Variants in ACER3 observed in about 807,000 individuals in gnomAD.
ACER3 encodes the protein alkaline ceramidase 3.
Under a neutral mutation model 48.9 loss-of-function variants are expected in ACER3, and 16 were observed. The ratio of observed to expected loss-of-function variants is 0.33; its 90% CI spans 0.22 to 0.50. The LOEUF (loss-of-function observed/expected upper bound fraction) is 0.50, where lower values mean the gene tolerates loss of function less well. Ranked by LOEUF, ACER3 falls within the 20% of genes least tolerant of loss-of-function variation. The pLI is 0.98. For synonymous variants in ACER3, 109 were observed against 107.8 expected (o/e 1.01, Z -0.07); for missense variants, 227 against 326.0 (o/e 0.70, Z 2.34).
rs1444052893 is a variant in ACER3 at position 77,025,970 on chromosome 11, T to C, written c.*5643T>C. The stretch of plus-strand genomic sequence containing the variant: ...TCTTTGAATGTAATCACATGATTTG[T>C]ATTTAATATTTACATGACCTAATTA... On this transcript the variant is annotated 3_prime_UTR_variant, in exon 11 of 11. Coordinates refer to ENST00000532485, the MANE Select transcript of ACER3 (RefSeq NM_018367.7). 1 of 152,242 alleles carries C rather than the reference T, an allele frequency of 6.6e-6. No individual in the cohort carries two copies. Among genetic ancestry groups the C allele is most frequent in the Non-Finnish European group, 1.5e-5 (1 of 68,032 alleles). 9.4% of individuals were successfully genotyped at this position (152,242 alleles called of 1,614,324 possible).
chr11:76,864,924 T>C (rs1467742564), intron 1 of ACER3, among the ~76,000 whole-genome samples: 4 of 148,446 alleles, frequency 2.7e-5, no homozygotes, highest in Non-Finnish European at 4.5e-5. Context: ...AATTAATTTT[T>C]TTTTTTTTTT....
Position 76,934,532 on chromosome 11 carries a change from A to G in ACER3, c.214+7865A>G, listed in dbSNP as rs182311765. ...GAAACCCCGTCTCCACCAAAAAAAT[A>G]CGAAAACCAGTCAGGCGTGGCGTGC... On this transcript the variant is annotated intron_variant, in intron 2 of 10. Transcript: ENST00000532485. 2.0e-5 allele frequency among the ~76,000 whole-genome samples: 3 copies of G among 152,382 alleles called. No homozygotes were observed. In the East Asian group the frequency reaches 5.8e-4, roughly 29 times the overall value.
At position 76,952,133 on chromosome 11, in the gene ACER3, T is replaced by C. The variant is rs796463385; in HGVS notation, c.215-6846T>C. ...AAATGTTCAGAAAAAATATTATATA[T>C]ATATATACACACACACACACACACA... On this transcript the variant is annotated intron_variant, in intron 2 of 10. Transcript: ENST00000532485. 5.0e-5 allele frequency among the ~76,000 whole-genome samples: 5 copies of C among 99,482 alleles called. No homozygotes were observed. In the East Asian group the frequency reaches 1.7e-3, roughly 34 times the overall value. The allele number at this position is 99,482 out of a possible 152,430, so 65.3% of individuals were successfully genotyped here.
At chr11:76,978,406 A>T (rs1315525983) in intron 4 of ACER3, 4 of 152,296 alleles carry the variant, frequency 2.6e-5, no homozygotes, top group Admixed American at 2.0e-4. Context: ...CCTACCTGCG[A>T]ATAGGAGCTG....
At chr11:76,926,267 GTTC>G (rs1946827040) in intron 1 of ACER3, among the ~76,000 whole-genome samples, 1 of 152,142 alleles carries the variant, frequency 6.6e-6, no homozygotes, top group South Asian at 2.1e-4. Context: ...TATCTCTGAG[GTTC>G]TTCCGGAGAT....
intron 2 of ACER3, among the ~76,000 whole-genome samples, chr11:76,940,555 T>A (rs1365719230): frequency 6.6e-6 from 1 of 152,212 alleles, no homozygotes; most frequent in African/African-American, 2.4e-5. Context: ...AACTTAACAA[T>A]GAATGAGAGT....
intron 1 of ACER3, among the ~76,000 whole-genome samples, chr11:76,889,323 G>T (rs1336992993): frequency 6.6e-6 from 1 of 151,724 alleles, no homozygotes; most frequent in Non-Finnish European, 1.5e-5. Context: ...TTTTTTTGGA[G>T]CCCAGCAGTG....
At position 76,998,574 on chromosome 11, in the gene ACER3, T is replaced by G. The variant is rs190985367; in HGVS notation, c.439-189T>G. Reference sequence around the variant, plus strand: ...GGTTATTTAATAAAGTTAAGCAGACTCTTAACTTTTCCTCAGAAGTTAGCA... The same window carrying G: ...GGTTATTTAATAAAGTTAAGCAGACGCTTAACTTTTCCTCAGAAGTTAGCA... On this transcript the variant is annotated intron_variant, in intron 6 of 10. Coordinates refer to ENST00000532485, the MANE Select transcript of ACER3 (RefSeq NM_018367.7). The G allele has an allele frequency of 4.4e-4, 221 of 506,290 alleles. 1 individual carries two copies. In the East Asian group the frequency reaches 7.9e-3, roughly 18 times the overall value. The allele number at this position is 506,290 out of a possible 1,614,324, so 31.4% of individuals were successfully genotyped here. A position where few individuals can be genotyped will look rare whatever the true frequency, so the allele number is the denominator to read the frequency against.
chr11:76,931,589 TGCAG>T (rs1432889431), intron 2 of ACER3, among the ~76,000 whole-genome samples: 1 of 152,246 alleles, frequency 6.6e-6, no homozygotes, highest in Non-Finnish European at 1.5e-5. Context: ...GGCATGTTTT[TGCAG>T]TGGCTAGTAC....
At chr11:76,993,128 T>A (rs1948837300) in intron 6 of ACER3, among the ~76,000 whole-genome samples, 1 of 152,168 alleles carries the variant, frequency 6.6e-6, no homozygotes, top group Non-Finnish European at 1.5e-5. Flanking sequence ...AGCCCCTGCC[T>A]TGGTGAAGCT....
chr11:76,864,200 T>C (rs973486792), intron 1 of ACER3, among the ~76,000 whole-genome samples: 1 of 152,218 alleles, frequency 6.6e-6, no homozygotes, highest in African/African-American at 2.4e-5. Context: ...TGTTTGAGCA[T>C]ATTGTAAAGA....
intron 7 of ACER3, among the ~76,000 whole-genome samples, chr11:77,001,548 G>A (rs1398833114): frequency 6.6e-6 from 1 of 152,116 alleles, no homozygotes; most frequent in Non-Finnish European, 1.5e-5. Flanking sequence ...GAGACAACAC[G>A]CTCGGCCCTG....
chr11:76,929,265 CTGT>C (rs1253153970), intron 2 of ACER3, among the ~76,000 whole-genome samples: 2 of 152,064 alleles, frequency 1.3e-5, no homozygotes, highest in Non-Finnish European at 2.9e-5. Context: ...CTCTGTTTGT[CTGT>C]TATTAGTGTA....
In ACER3 at chr11:77,025,863, G is replaced by A. The variant is rs1449820238; in HGVS notation, c.*5536G>A. On this transcript the variant is annotated 3_prime_UTR_variant, in exon 11 of 11. Coordinates refer to ENST00000532485, the MANE Select transcript of ACER3 (RefSeq NM_018367.7). Reference sequence around the variant, plus strand: ...TACAGTGGTACAGTACAGTGGTACTGCCCAACTGCACTTCTCTGCAAGGTG... The same window carrying A: ...TACAGTGGTACAGTACAGTGGTACTACCCAACTGCACTTCTCTGCAAGGTG... 6.6e-6 allele frequency: 1 copy of A among 152,186 alleles called. No homozygotes were observed. The highest frequency in any genetic ancestry group is 1.5e-5 in the Non-Finnish European group (1 of 68,026). 9.4% of individuals were successfully genotyped at this position (152,186 alleles called of 1,614,324 possible). A position where few individuals can be genotyped will look rare whatever the true frequency, so the allele number is the denominator to read the frequency against.
intron 1 of ACER3, among the ~76,000 whole-genome samples, chr11:76,876,164 A>G (rs1945374757): frequency 1.3e-5 from 2 of 152,228 alleles, no homozygotes; most frequent in Admixed American, 6.5e-5. Context: ...AACAACCTCT[A>G]TCAAGATGTG....
chr11:76,985,565 G>A (rs943442294), intron 4 of ACER3, 78 bp from the exon 5 acceptor site: 30 of 864,518 alleles, frequency 3.5e-5, no homozygotes, highest in Non-Finnish European at 4.9e-5. Flanking sequence ...AGAGATATAG[G>A]CAAGTGGTAA....
chr11:76,871,897 G>A (rs774188849), intron 1 of ACER3, among the ~76,000 whole-genome samples: 2 of 152,162 alleles, frequency 1.3e-5, no homozygotes, highest in Non-Finnish European at 2.9e-5. Context: ...TTAGAGTCAC[G>A]TTGGAATTTG....
chr11:76,956,699 T>TTTTA (rs1555010382), intron 2 of ACER3, among the ~76,000 whole-genome samples: 5 of 151,438 alleles, frequency 3.3e-5, no homozygotes, highest in African/African-American at 4.8e-5. Context: ...TTTTTTTTTT[T>TTTTA]ACTTCATAGT....
At chr11:77,007,610 C>T (rs1949181021) in intron 7 of ACER3, among the ~76,000 whole-genome samples, 1 of 152,244 alleles carries the variant, frequency 6.6e-6, no homozygotes, top group Admixed American at 6.5e-5. Context: ...AAAATTCTGA[C>T]TCTGCAGTAG....
Sources: gnomAD v4.1 joint callset for allele counts (sites outside exome capture counted in the v4.1 genomes callset) on GRCh38, gnomAD v4.1.1 for gene constraint, MANE v1.5 for transcripts, NCBI Gene and HGNC (gene_info 2026-07-23, HGNC 2026-07-21) for gene names.